Variants in NREP observed in about 807,000 individuals in gnomAD.
The protein encoded by NREP is neuronal regeneration related protein.
NREP carries 5 observed loss-of-function variants against 8.6 expected under a neutral mutation model. The observed-to-expected ratio is 0.58, with a 90% CI of 0.30 to 1.22. The LOEUF is 1.22. Among genes scored for constraint, NREP ranks in the 50% most tolerant of loss-of-function variants. NREP has a pLI of 0.07. For missense variants in NREP, 86 were observed against 82.5 expected (o/e 1.04, Z -0.17); for synonymous variants, 27 against 28.0 (o/e 0.96, Z 0.11).
chr5:111,828,109 C>T (rs1039907218), intron 2 of NREP, among the ~76,000 whole-genome samples: 8 of 151,936 alleles, frequency 5.3e-5, no homozygotes, highest in African/African-American at 1.9e-4. Flanking sequence ...CGGCTCACCG[C>T]AACCTCCAGC....
intron 2 of NREP, among the ~76,000 whole-genome samples, chr5:111,955,179 C>T (rs1756273910): frequency 6.6e-6 from 1 of 152,204 alleles, no homozygotes; most frequent in South Asian, 2.1e-4. Flanking sequence ...ATGGTGAGAG[C>T]CAGCTCTCAG....
chr5:111,910,467 G>T (rs1046175495), intron 2 of NREP, among the ~76,000 whole-genome samples: 8 of 151,928 alleles, frequency 5.3e-5, no homozygotes, highest in African/African-American at 1.9e-4. Context: ...AACCAAAAAG[G>T]CCTTAAGAAT....
chr5:111,930,076 C>T (rs930915924), intron 2 of NREP, among the ~76,000 whole-genome samples: 1 of 152,170 alleles, frequency 6.6e-6, no homozygotes, highest in African/African-American at 2.4e-5. Flanking sequence ...ATGCTGAAAT[C>T]ACCATGAACT....
rs181718019 is a variant in NREP at position 111,956,773 on chromosome 5, G to A, written c.135+18501C>T. 1.6e-3 allele frequency among the ~76,000 whole-genome samples: 243 copies of A among 152,052 alleles called. 1 individual carries two copies. Among genetic ancestry groups the A allele is most frequent in the Middle Eastern group, 6.8e-3 (2 of 294 alleles). On this transcript the variant is annotated intron_variant, in intron 2 of 3. Coordinates refer to the NREP transcript ENST00000395634. The stretch of plus-strand genomic sequence containing the variant: ...GAGGCCATGAGTTTGAGATCAGCCT[G>A]GCCAATGTGGCGAAAACCCATCTCT...
At chr5:111,902,520 A>T (rs1048958302) in intron 2 of NREP, among the ~76,000 whole-genome samples, 3 of 152,180 alleles carry the variant, frequency 2.0e-5, no homozygotes, top group Admixed American at 6.6e-5. Flanking sequence ...CTACAATCAA[A>T]GTAACAGCTA....
intron 2 of NREP, among the ~76,000 whole-genome samples, chr5:111,813,779 TCACAATTTCCCAGC>T (rs905864889): frequency 2.9e-4 from 44 of 152,134 alleles, no homozygotes; most frequent in Non-Finnish European, 4.6e-4. Context: ...GTGATCACAT[TCACAATTTCCCAGC>T]TGATTTATTT....
Position 111,765,707 on chromosome 5 carries a change from A to G in NREP, c.136-30200T>C, listed in dbSNP as rs562696981. Among the ~76,000 whole-genome samples the G allele has an allele frequency of 9.2e-5, 14 of 152,290 alleles. No homozygotes were observed. The South Asian group carries it at 2.9e-3, about 32-fold the overall frequency. ...TAGAAGCCTAGAAATTTGCAGATCC[A>G]ATGGACATGATTAGGGCTTCATCCC... On this transcript the variant is annotated intron_variant, in intron 2 of 3. Transcript: ENST00000395634.
chr5:111,915,458 T>C (rs962068982), intron 2 of NREP, among the ~76,000 whole-genome samples: 1 of 152,014 alleles, frequency 6.6e-6, no homozygotes, highest in Admixed American at 6.6e-5. Context: ...GTGAGGCTAC[T>C]ACAAGAGGCA....
At chr5:111,931,494 C>T (rs887681616) in intron 2 of NREP, among the ~76,000 whole-genome samples, 2 of 152,130 alleles carry the variant, frequency 1.3e-5, no homozygotes, top group African/African-American at 4.8e-5. Context: ...ACCTTCCAGC[C>T]TAAGTCAAGA....
intron 2 of NREP, among the ~76,000 whole-genome samples, chr5:111,800,367 T>C (rs1476511184): frequency 6.6e-6 from 1 of 152,256 alleles, no homozygotes; most frequent in Non-Finnish European, 1.5e-5. Context: ...GGTTTCATGT[T>C]AGAATCACTG....
rs1051090282 is a variant in NREP, at chr5:111,957,377, A to G, written c.135+17897T>C. Among the ~76,000 whole-genome samples, 5 of 152,186 alleles carry G rather than the reference A, an allele frequency of 3.3e-5. No homozygotes were observed. In the South Asian group the frequency reaches 6.2e-4, roughly 19 times the overall value. ...ATTTTAAAAATCTCAATGGAGAGTC[A>G]ATAAATATTAAACAAATTGAGCTAG... On this transcript the variant is annotated intron_variant, in intron 2 of 3. Coordinates refer to the NREP transcript ENST00000395634.
At chr5:111,937,370 C>T (rs766814351) in intron 2 of NREP, among the ~76,000 whole-genome samples, 3 of 152,068 alleles carry the variant, frequency 2.0e-5, no homozygotes, top group Non-Finnish European at 4.4e-5. Context: ...ACAAATCAAA[C>T]TTGAATTGTT....
chr5:111,855,431 T>C (rs1753405081), intron 2 of NREP, among the ~76,000 whole-genome samples: 1 of 152,200 alleles, frequency 6.6e-6, no homozygotes, highest in Non-Finnish European at 1.5e-5. Context: ...TTGAGGAGCT[T>C]CAAGCTTTTT....
chr5:111,862,332 T>A lies in NREP; in HGVS notation c.135+112942A>T, dbSNP rs144175611. Among the ~76,000 whole-genome samples the A allele has an allele frequency of 1.5e-4, 23 of 152,292 alleles. No individual in the cohort carries two copies. In the East Asian group the frequency reaches 4.4e-3, roughly 29 times the overall value. On this transcript the variant is annotated intron_variant, in intron 2 of 3. Transcript: ENST00000395634. Reference sequence around the variant, plus strand: ...TCATTGAAATATTTCCAAAGACATATGTCAGATAGCAGGGAAGCCAGCTAA... The same window carrying A: ...TCATTGAAATATTTCCAAAGACATAAGTCAGATAGCAGGGAAGCCAGCTAA...
At chr5:111,745,110 C>T (rs996918020) in intron 2 of NREP, among the ~76,000 whole-genome samples, 1 of 152,128 alleles carries the variant, frequency 6.6e-6, no homozygotes, top group African/African-American at 2.4e-5. Flanking sequence ...TTTCCAGGTG[C>T]ACTCATTTAA....
rs114143584 is a variant in NREP, at chr5:111,941,143, C to T, written c.135+34131G>A. Among the ~76,000 whole-genome samples, 1,083 of 152,116 alleles carry T rather than the reference C, an allele frequency of 7.1e-3. 8 individuals are homozygous for T. Among genetic ancestry groups the T allele is most frequent in the African/African-American group, 0.024 (1,014 of 41,530 alleles). ...ATAAATGGACATCAAACTTTTCTTT[C>T]ACAAAGGAATTGTAAATAGGCATTC... On this transcript the variant is annotated intron_variant, in intron 2 of 3. Coordinates refer to the NREP transcript ENST00000395634.
chr5:111,974,744 T>C (rs1430034215), intron 2 of NREP, among the ~76,000 whole-genome samples: 1 of 152,232 alleles, frequency 6.6e-6, no homozygotes, highest in Non-Finnish European at 1.5e-5. Flanking sequence ...TGAGTTATTA[T>C]ATTTAAGTTC....
At chr5:111,788,887 C>A (rs1751675145) in intron 2 of NREP, among the ~76,000 whole-genome samples, 2 of 152,154 alleles carry the variant, frequency 1.3e-5, no homozygotes, top group African/African-American at 4.8e-5. Flanking sequence ...AGTTGAAAGC[C>A]TAAAAATAAC....
chr5:111,839,697 T>A (rs1374918612), intron 2 of NREP, among the ~76,000 whole-genome samples: 1 of 152,082 alleles, frequency 6.6e-6, no homozygotes, highest in Non-Finnish European at 1.5e-5. Context: ...CTTAAGGCCC[T>A]TTGTCAGAAG....
Sources: gnomAD v4.1 joint callset for allele counts (sites outside exome capture counted in the v4.1 genomes callset) on GRCh38, gnomAD v4.1.1 for gene constraint, MANE v1.5 for transcripts, NCBI Gene and HGNC (gene_info 2026-07-23, HGNC 2026-07-21) for gene names.